PSME4: variants seen among roughly 807,000 people sequenced by gnomAD.
The protein encoded by PSME4 is proteasome activator complex subunit 4.
Under a neutral mutation model 253.9 loss-of-function variants are expected in PSME4, and 89 were observed. The ratio of observed to expected loss-of-function variants is 0.35; its 90% CI spans 0.30 to 0.42. The LOEUF is 0.42. Ranked by LOEUF, PSME4 falls within the 10% of genes least tolerant of loss-of-function variation. The probability of loss-of-function intolerance (pLI) is 1.00; values close to 1 mark genes in which losing one functional copy is unlikely to be tolerated. For synonymous variants in PSME4, 851 were observed against 759.2 expected (o/e 1.12, Z -1.99); for missense variants, 2,014 against 2,195.2 (o/e 0.92, Z 1.65).
chr2:53,957,118 C>T (rs142485355), intron 1 of PSME4, among the ~76,000 whole-genome samples: 205 of 152,304 alleles, frequency 1.3e-3, no homozygotes, highest in Non-Finnish European at 1.9e-3. Context: ...GCCACTCCTA[C>T]AGGCACTCAG....
intron 43 of PSME4, among the ~76,000 whole-genome samples, chr2:53,871,303 T>C (rs956919965): frequency 1.3e-5 from 2 of 151,980 alleles, no homozygotes; most frequent in Non-Finnish European, 2.9e-5. Context: ...CAGGATGGAG[T>C]GCAGTGGCAC....
intron 5 of PSME4, 58 bp downstream of exon 5, chr2:53,937,333 T>C: frequency 2.8e-6 from 4 of 1,410,922 alleles, no homozygotes; most frequent in Admixed American, 2.3e-5. Context: ...TTTACTAGTT[T>C]CTTTATCTGT....
At chr2:53,899,497 T>A (rs770702921) in intron 29 of PSME4, among the ~76,000 whole-genome samples, 4 of 152,194 alleles carry the variant, frequency 2.6e-5, no homozygotes, top group African/African-American at 9.7e-5. Context: ...GCAGTTATGT[T>A]ATACATCTAT....
Position 53,931,768 on chromosome 2 carries a change from A to G in PSME4, c.1316+67T>C, listed in dbSNP as rs1668841213. The G allele has an allele frequency of 2.0e-6, 3 of 1,513,040 alleles. No homozygotes were observed. In the African/African-American group the frequency reaches 4.2e-5, roughly 21 times the overall value. 93.7% of individuals were successfully genotyped at this position (1,513,040 alleles called of 1,614,324 possible). ...CAAAACAGAAGCCACAGAGGAGAAA[A>G]GAGAATCGAGCTGAACAGACCAAAA... is the stretch of plus-strand genomic sequence containing the variant. On this transcript the variant is annotated intron_variant, in intron 10 of 46. Coordinates refer to ENST00000404125, the MANE Select transcript of PSME4 (RefSeq NM_014614.3).
chr2:53,927,099 G>C (rs995951755), intron 12 of PSME4, among the ~76,000 whole-genome samples: 4 of 152,112 alleles, frequency 2.6e-5, no homozygotes, highest in Non-Finnish European at 5.9e-5. Context: ...TAAGATGATA[G>C]AAAAATAAAA....
intron 43 of PSME4, chr2:53,870,037 CA>C (rs1376145523): frequency 6.6e-6 from 1 of 152,206 alleles, no homozygotes; most frequent in Non-Finnish European, 1.5e-5. Flanking sequence ...ACACAGTTTA[CA>C]AAAGTACTAA....
chr2:53,945,447 T>TA (rs1669656645), intron 3 of PSME4, among the ~76,000 whole-genome samples: 1 of 151,814 alleles, frequency 6.6e-6, no homozygotes, highest in East Asian at 1.9e-4. Flanking sequence ...ATAAAGAGAC[T>TA]AAAAAGGGTC....
At chr2:53,945,110 A>T (rs1669641159) in intron 3 of PSME4, among the ~76,000 whole-genome samples, 1 of 152,224 alleles carries the variant, frequency 6.6e-6, no homozygotes, top group African/African-American at 2.4e-5. Flanking sequence ...ACAAATTTAT[A>T]CACATAGCAA....
intron 34 of PSME4, among the ~76,000 whole-genome samples, chr2:53,894,347 T>C (rs975759633): frequency 6.6e-5 from 10 of 152,284 alleles, no homozygotes; most frequent in Non-Finnish European, 1.0e-4. Flanking sequence ...TCATGGCTCA[T>C]TGCAGTCTTG....
chr2:53,908,315 C>T lies in PSME4; in HGVS notation c.2784+5G>A. On this transcript the variant is annotated splice_donor_5th_base_variant and intron_variant, in intron 24 of 46. Coordinates refer to ENST00000404125, the MANE Select transcript of PSME4 (RefSeq NM_014614.3). The stretch of plus-strand genomic sequence containing the variant: ...TAGTGCAGACTTTTAGGTGAAAATA[C>T]TGACCCGATTTTCCATTGATTTCTT... 6.2e-7 allele frequency: 1 copy of T among 1,601,200 alleles called. No individual in the cohort carries two copies. Among genetic ancestry groups the T allele is most frequent in the Non-Finnish European group, 8.5e-7 (1 of 1,170,260 alleles).
chr2:53,958,318 T>A (rs1670327676), intron 1 of PSME4, among the ~76,000 whole-genome samples: 1 of 151,588 alleles, frequency 6.6e-6, no homozygotes, highest in African/African-American at 2.4e-5. Flanking sequence ...ATAGCACCGC[T>A]ACACTCCAGG....
At chr2:53,970,328 G>C (rs1458004888) in intron 1 of PSME4, among the ~76,000 whole-genome samples, 3 of 152,190 alleles carry the variant, frequency 2.0e-5, no homozygotes, top group African/African-American at 7.2e-5. Flanking sequence ...GGACGTAGAG[G>C]GATGGTAAAG....
intron 17 of PSME4, among the ~76,000 whole-genome samples, chr2:53,921,996 C>G (rs1338080012): frequency 1.3e-5 from 2 of 150,762 alleles, no homozygotes; most frequent in African/African-American, 4.9e-5. Context: ...CACAGTGAAA[C>G]CCCGTCTCTA....
Position 53,922,230 on chromosome 2 carries a change from A to G in PSME4, c.2046+287T>C, listed in dbSNP as rs984578443. Among the ~76,000 whole-genome samples, 2 of 152,164 alleles carry G rather than the reference A, an allele frequency of 1.3e-5. 1 individual carries two copies. The highest frequency in any genetic ancestry group is 2.9e-5 in the Non-Finnish European group (2 of 68,014). The stretch of plus-strand genomic sequence containing the variant: ...AAGTTTGATTGATGGCCAAATTTAA[A>G]GTGTAGACCAAAAAAATTCCCAAAT... On this transcript the variant is annotated intron_variant, in intron 17 of 46. Transcript: ENST00000404125.
intron 44 of PSME4, 75 bp from the exon 45 acceptor site, chr2:53,866,955 G>A: frequency 7.2e-7 from 1 of 1,392,076 alleles, no homozygotes; most frequent in Non-Finnish European, 9.8e-7. Flanking sequence ...GATAAAATTA[G>A]TTTTCAATTG....
intron 27 of PSME4, 79 bp from the exon 28 acceptor site, chr2:53,901,638 TG>T: frequency 1.8e-6 from 2 of 1,126,442 alleles, no homozygotes; most frequent in South Asian, 3.3e-5. Context: ...ACCTATGTAT[TG>T]GTTTTAAATG....
chr2:53,883,098 C>T (rs1048136807), intron 41 of PSME4, among the ~76,000 whole-genome samples: 2 of 152,094 alleles, frequency 1.3e-5, no homozygotes, highest in Admixed American at 1.3e-4. Flanking sequence ...TTCCTTCCAA[C>T]TTTCTCAGTT....
chr2:53,904,006 TA>T lies in PSME4; in HGVS notation c.3075+18del. ...ATGTTTGAAAATGTTTACAGTAAAA[TA>T]GGAAAAAAACCCTATACCTTGAATT... On this transcript the variant is annotated intron_variant, in intron 27 of 46. Coordinates refer to ENST00000404125, the MANE Select transcript of PSME4 (RefSeq NM_014614.3). 6.3e-7 allele frequency: 1 copy of T among 1,580,078 alleles called. No individual in the cohort carries two copies. Among genetic ancestry groups the T allele is most frequent in the Non-Finnish European group, 8.6e-7 (1 of 1,164,244 alleles).
chr2:53,900,536 T>C (rs1280278810), intron 28 of PSME4, among the ~76,000 whole-genome samples: 10 of 151,986 alleles, frequency 6.6e-5, no homozygotes, highest in South Asian at 2.1e-4. Context: ...AGAATGAGAA[T>C]GAGAAACAAA....
Sources: gnomAD v4.1 joint callset for allele counts (sites outside exome capture counted in the v4.1 genomes callset) on GRCh38, gnomAD v4.1.1 for gene constraint, MANE v1.5 for transcripts, NCBI Gene and HGNC (gene_info 2026-07-23, HGNC 2026-07-21) for gene names.